The following KIF3B variants were observed in gnomAD, a reference collection of about 807,000 sequenced individuals.
The protein encoded by KIF3B is kinesin family member 3B, also known as kinesin-like protein KIF3B.
A neutral mutation model predicts 74.3 loss-of-function variants in KIF3B; 38 were observed. The ratio of observed to expected loss-of-function variants is 0.51; its 90% CI spans 0.39 to 0.67. The LOEUF (loss-of-function observed/expected upper bound fraction) is 0.67, where lower values mean the gene tolerates loss of function less well. Among genes scored for constraint, KIF3B ranks in the 30% least tolerant of loss-of-function variants. The pLI is 0.00. For missense variants in KIF3B, 649 were observed against 932.0 expected (o/e 0.70, Z 3.95); for synonymous variants, 326 against 342.5 (o/e 0.95, Z 0.53).
chr20:32,320,483 G>A (rs2047854819), intron 5 of KIF3B, among the ~76,000 whole-genome samples: 1 of 146,374 alleles, frequency 6.8e-6, no homozygotes, highest in South Asian at 2.2e-4. Context: ...TTCTTCATAT[G>A]TGTGTGTGTG....
intron 5 of KIF3B, among the ~76,000 whole-genome samples, chr20:32,326,399 C>A (rs574468967): frequency 1.7e-4 from 26 of 152,242 alleles, no homozygotes; most frequent in African/African-American, 6.3e-4. Context: ...GCACCAGTGG[C>A]CCTCTGAAAG....
intron 2 of KIF3B, among the ~76,000 whole-genome samples, chr20:32,315,488 T>C (rs2047822498): frequency 6.6e-6 from 1 of 152,142 alleles, no homozygotes; most frequent in Non-Finnish European, 1.5e-5. Flanking sequence ...GAGGATCTCT[T>C]GAGGCCAGGA....
chr20:32,280,714 CAAAAAAAA>C (rs34366324), intron 1 of KIF3B, among the ~76,000 whole-genome samples: 7 of 51,352 alleles, frequency 1.4e-4, no homozygotes, highest in East Asian at 1.2e-3. Context: ...GACTCCGTCT[CAAAAAAAA>C]AAAAAAAAAA....
Position 32,322,682 on chromosome 20 carries a change from ATATATATT to A in KIF3B, c.1749-4081_1749-4074del, listed in dbSNP as rs1164199881. On this transcript the variant is annotated intron_variant, in intron 5 of 8. Coordinates refer to ENST00000375712, the MANE Select transcript of KIF3B (RefSeq NM_004798.4). ...TATTTATATATATATTTATATATTT[ATATATATT>A]TATATATATTTATATATTTATATAT... 3.8e-4 allele frequency among the ~76,000 whole-genome samples: 12 copies of A among 31,638 alleles called. 1 individual carries two copies. The highest frequency in any genetic ancestry group is 3.7e-3 in the African/African-American group (12 of 3,214). 20.8% of individuals were successfully genotyped at this position (31,638 alleles called of 152,430 possible).
At chr20:32,318,965 T>C (rs557936933) in intron 5 of KIF3B, among the ~76,000 whole-genome samples, 11 of 151,824 alleles carry the variant, frequency 7.2e-5, no homozygotes, top group African/African-American at 2.4e-4. Flanking sequence ...ACATCTTCTT[T>C]TTTTTTTTTT....
At chr20:32,317,339 A>G (rs1216374761) in intron 5 of KIF3B, among the ~76,000 whole-genome samples, 4 of 152,160 alleles carry the variant, frequency 2.6e-5, no homozygotes, top group Non-Finnish European at 5.9e-5. Context: ...TCTGGATCCC[A>G]TCTGTTAACT....
chr20:32,298,670 C>A (rs2047727653), intron 1 of KIF3B, among the ~76,000 whole-genome samples: 1 of 152,024 alleles, frequency 6.6e-6, no homozygotes, highest in South Asian at 2.1e-4. Flanking sequence ...CCTCCCCTCC[C>A]CTCCCCTCTC....
At position 32,310,386 on chromosome 20, in the gene KIF3B, C is replaced by T. The variant is rs761218320; in HGVS notation, c.609C>T (p.Val203=). 6 of 1,614,042 alleles carry T rather than the reference C, an allele frequency of 3.7e-6. No individual in the cohort carries two copies. The highest frequency in any genetic ancestry group is 2.7e-5 in the African/African-American group (2 of 74,914). The change falls in exon 2 of 9, where the codon GTC becomes GTT. Residue 203 remains valine (V), a synonymous_variant. Coordinates refer to ENST00000375712, the MANE Select transcript of KIF3B (RefSeq NM_004798.4). This position sits in a 1 kb window ranked among gnomAD's most constrained non-coding sequence, Gnocchi z 6.5. ...ATGTGGGGAACCAGAACCGTTCTGT[C>T]GGTGCTACCAACATGAACGAGCACA... The part of the protein sequence containing the change: ...VMNVGNQNRS[V]GATNMNEHSS...
At chr20:32,282,807 C>A (rs1478325587) in intron 1 of KIF3B, among the ~76,000 whole-genome samples, 1 of 152,148 alleles carries the variant, frequency 6.6e-6, no homozygotes, top group Non-Finnish European at 1.5e-5. Context: ...AATGACAGTT[C>A]TGAAGTTTCA....
rs2047944249 is a variant in KIF3B, at chr20:32,334,126, TC to T, written c.*2808del. ...AAGCCAGAAAGCAAGTCTAACAGGATCTAAGATGACCATCAGGAGAAGGAGT... is the reference window on the plus strand; with the variant it reads ...AAGCCAGAAAGCAAGTCTAACAGGATTAAGATGACCATCAGGAGAAGGAGT... On this transcript the variant is annotated 3_prime_UTR_variant, in exon 9 of 9. Coordinates refer to ENST00000375712, the MANE Select transcript of KIF3B (RefSeq NM_004798.4). 6.5e-6 allele frequency: 1 copy of T among 152,708 alleles called. No individual in the cohort carries two copies. The allele number at this position is 152,708 out of a possible 1,614,324, so 9.5% of individuals were successfully genotyped here.
chr20:32,291,617 AT>A (rs11475041), intron 1 of KIF3B, among the ~76,000 whole-genome samples: 72,749 of 128,202 alleles, frequency 0.57, 18,729 homozygotes, highest in East Asian at 0.88. Context: ...TGTCTTATAC[AT>A]TTTTTTTTTT....
At chr20:32,318,969 T>C (rs978397754) in intron 5 of KIF3B, among the ~76,000 whole-genome samples, 2 of 152,006 alleles carry the variant, frequency 1.3e-5, no homozygotes, top group Admixed American at 6.6e-5. Context: ...CTTCTTTTTT[T>C]TTTTTTTCTT....
intron 1 of KIF3B, among the ~76,000 whole-genome samples, chr20:32,292,583 G>GAAAAAAAAAA (rs71185398): frequency 9.7e-5 from 7 of 71,816 alleles, no homozygotes; most frequent in Admixed American, 1.6e-4. Context: ...ACTAAAAATA[G>GAAAAAAAAAA]AAAAAAAAAA....
At chr20:32,291,476 A>G (rs2047690955) in intron 1 of KIF3B, among the ~76,000 whole-genome samples, 1 of 152,190 alleles carries the variant, frequency 6.6e-6, no homozygotes, top group Non-Finnish European at 1.5e-5. Context: ...CAGATGGCAT[A>G]TAACTTTATC....
intron 1 of KIF3B, among the ~76,000 whole-genome samples, chr20:32,284,085 A>T (rs1394224633): frequency 7.1e-6 from 1 of 141,258 alleles, no homozygotes; most frequent in Non-Finnish European, 1.5e-5. Context: ...CCAGCTAATT[A>T]AAAAAAAAAA....
chr20:32,300,403 G>A (rs193269207), intron 1 of KIF3B, among the ~76,000 whole-genome samples: 2 of 151,860 alleles, frequency 1.3e-5, no homozygotes, highest in Admixed American at 6.6e-5. Flanking sequence ...TCAGCCTCCC[G>A]AGTAGCTGGG....
intron 1 of KIF3B, among the ~76,000 whole-genome samples, chr20:32,299,139 G>A (rs1287373965): frequency 6.6e-6 from 1 of 151,780 alleles, no homozygotes; most frequent in East Asian, 1.9e-4. Context: ...TTCTGTAAAA[G>A]GCCAGATAGT....
intron 5 of KIF3B, among the ~76,000 whole-genome samples, chr20:32,319,933 C>T (rs1042712989): frequency 6.6e-6 from 1 of 151,572 alleles, no homozygotes; most frequent in Admixed American, 6.6e-5. Flanking sequence ...CTGGGTCTGT[C>T]ACCCAGGCTG....
intron 1 of KIF3B, among the ~76,000 whole-genome samples, chr20:32,281,952 G>A (rs1476309720): frequency 6.6e-6 from 1 of 152,174 alleles, no homozygotes; most frequent in East Asian, 1.9e-4. Context: ...GTGGGTGGAT[G>A]TAGGGGATGG....
Sources: gnomAD v4.1 joint callset for allele counts (sites outside exome capture counted in the v4.1 genomes callset) on GRCh38, gnomAD v4.1.1 for gene constraint, Gnocchi (gnomAD v3.1) non-coding constraint, MANE v1.5 for transcripts, NCBI Gene and HGNC (gene_info 2026-07-23, HGNC 2026-07-21) for gene names.